The following RNF217 variants were observed in gnomAD, a reference collection of about 807,000 sequenced individuals.
RNF217 encodes the protein E3 ubiquitin-protein ligase RNF217.
In RNF217, 31 loss-of-function variants were observed where a neutral mutation model predicts 57.8. The ratio of observed to expected loss-of-function variants is 0.54; its 90% CI spans 0.40 to 0.72. RNF217 has a LOEUF of 0.72. Among genes scored for constraint, RNF217 ranks in the 30% least tolerant of loss-of-function variants. The pLI is 0.00. For missense variants in RNF217, 696 were observed against 708.3 expected (o/e 0.98, Z 0.20); for synonymous variants, 313 against 294.0 (o/e 1.06, Z -0.66).
chr6:125,038,418 A>T (rs1046565070), intron 1 of RNF217, among the ~76,000 whole-genome samples: 5 of 152,168 alleles, frequency 3.3e-5, no homozygotes, highest in Admixed American at 3.3e-4. Context: ...TTAGCCCCAT[A>T]CTGAAATATT....
At chr6:125,003,910 C>T (rs916132937) in intron 1 of RNF217, among the ~76,000 whole-genome samples, 15 of 151,980 alleles carry the variant, frequency 9.9e-5, no homozygotes, top group African/African-American at 3.4e-4. Context: ...TTAGGGAAGG[C>T]CTATTATGGG....
chr6:125,014,231 C>G (rs935898870), intron 1 of RNF217, among the ~76,000 whole-genome samples: 1 of 152,086 alleles, frequency 6.6e-6, no homozygotes, highest in Non-Finnish European at 1.5e-5. Context: ...ATCAAAATAC[C>G]ACCATAGAGT....
intron 4 of RNF217, among the ~76,000 whole-genome samples, chr6:125,079,262 T>C (rs896455513): frequency 1.3e-5 from 2 of 152,176 alleles, no homozygotes; most frequent in African/African-American, 2.4e-5. Context: ...GGAATGGTAC[T>C]GGGAATAAAA....
intron 4 of RNF217, among the ~76,000 whole-genome samples, chr6:125,077,944 C>A (rs1788439855): frequency 6.6e-6 from 1 of 152,116 alleles, no homozygotes; most frequent in African/African-American, 2.4e-5. Context: ...AGATTTCTAT[C>A]AGGTAAAAGA....
In RNF217 at chr6:124,970,042, A is replaced by G. The variant is rs1034554079; in HGVS notation, c.882+6616A>G. On this transcript the variant is annotated intron_variant, in intron 1 of 5. Transcript: ENST00000521654. The stretch of plus-strand genomic sequence containing the variant: ...AATCGCAAGGAGATCTGTGAGGCTG[A>G]AGCATAGAGAATGAAGTGGGTAGTG... Among the ~76,000 whole-genome samples, 4 of 152,208 alleles carry G rather than the reference A, an allele frequency of 2.6e-5. 1 individual carries two copies. Among genetic ancestry groups the G allele is most frequent in the South Asian group, 4.1e-4 (2 of 4,830 alleles).
intron 1 of RNF217, among the ~76,000 whole-genome samples, chr6:124,993,247 G>A (rs999176721): frequency 4.6e-5 from 7 of 152,116 alleles, no homozygotes; most frequent in African/African-American, 1.4e-4. Flanking sequence ...TAGTAATTCT[G>A]GGATGTGTCC....
intron 3 of RNF217, 97 bp downstream of exon 3, chr6:125,058,203 C>T (rs1787596464): frequency 1.9e-6 from 2 of 1,042,466 alleles, no homozygotes; most frequent in African/African-American, 3.3e-5. Context: ...TGTCTTAATG[C>T]AGGTATGTGG....
intron 1 of RNF217, among the ~76,000 whole-genome samples, chr6:125,019,654 G>A (rs945751369): frequency 3.3e-5 from 5 of 151,894 alleles, no homozygotes; most frequent in Admixed American, 6.6e-5. Flanking sequence ...CAAATTAGAC[G>A]AATAATTTAG....
chr6:124,969,869 G>T (rs192315930), intron 1 of RNF217, among the ~76,000 whole-genome samples: 224 of 152,198 alleles, frequency 1.5e-3, no homozygotes, highest in Non-Finnish European at 2.2e-3. Context: ...TATAGTTTTG[G>T]GGGGGTTGTC....
At chr6:125,009,292 A>G (rs776133537) in intron 1 of RNF217, 9 of 1,565,242 alleles carry the variant, frequency 5.7e-6, no homozygotes, top group South Asian at 2.2e-5. Flanking sequence ...GGTAAAGTAC[A>G]TAGATGAAGA....
intron 1 of RNF217, among the ~76,000 whole-genome samples, chr6:124,973,199 C>T (rs1458784787): frequency 6.6e-6 from 1 of 152,016 alleles, no homozygotes; most frequent in Non-Finnish European, 1.5e-5. Context: ...CAGCTCATAA[C>T]ACTGTGGATA....
chr6:124,992,127 A>T (rs1371136626), intron 1 of RNF217, among the ~76,000 whole-genome samples: 1 of 152,182 alleles, frequency 6.6e-6, no homozygotes, highest in African/African-American at 2.4e-5. Flanking sequence ...ACAAGCTACA[A>T]AGTAATGCCA....
chr6:125,013,580 G>T (rs1785500321), intron 1 of RNF217, among the ~76,000 whole-genome samples: 1 of 151,970 alleles, frequency 6.6e-6, no homozygotes. Flanking sequence ...GAAAGCTTTG[G>T]CTGTTTTCTT....
chr6:124,981,784 C>T (rs927355699), intron 1 of RNF217, among the ~76,000 whole-genome samples: 12 of 150,980 alleles, frequency 7.9e-5, no homozygotes, highest in Middle Eastern at 3.4e-3. Context: ...TTTGGGAGGC[C>T]GAGGCAGGCA....
At chr6:125,064,086 AT>A (rs1787849924) in intron 3 of RNF217, among the ~76,000 whole-genome samples, 1 of 152,184 alleles carries the variant, frequency 6.6e-6, no homozygotes, top group African/African-American at 2.4e-5. Context: ...TTAATGTTGC[AT>A]CTTATAGGTA....
intron 1 of RNF217, among the ~76,000 whole-genome samples, chr6:125,026,172 C>T (rs1006227524): frequency 6.6e-6 from 1 of 152,032 alleles, no homozygotes; most frequent in East Asian, 1.9e-4. Context: ...TCTCAGTGGC[C>T]GCTAGCAACA....
chr6:124,980,972 A>G (rs2115014106), intron 1 of RNF217, among the ~76,000 whole-genome samples: 1 of 152,332 alleles, frequency 6.6e-6, no homozygotes. Context: ...TTTTAGAAGA[A>G]CATAAACTCT....
rs9388405 is a variant in RNF217, at chr6:125,087,347, T to G, written c.*4410T>G. The G allele has an allele frequency of 5.1e-4, 78 of 152,308 alleles. 2 individuals carry two copies. In the East Asian group the frequency reaches 0.014, roughly 27 times the overall value. The allele number at this position is 152,308 out of a possible 1,614,324, so 9.4% of individuals were successfully genotyped here. On this transcript the variant is annotated 3_prime_UTR_variant, in exon 6 of 6. Coordinates refer to ENST00000521654, the MANE Select transcript of RNF217 (RefSeq NM_001286398.3). ...TTTATAAGCAACCTGCACATAAGCC[T>G]TAATGTGAGTCTTCACATTGGATTA... is the stretch of plus-strand genomic sequence containing the variant.
chr6:125,039,825 G>A (rs1375049793), intron 1 of RNF217, among the ~76,000 whole-genome samples: 9 of 152,136 alleles, frequency 5.9e-5, no homozygotes, highest in Admixed American at 3.9e-4. Context: ...CATAGAAATT[G>A]AACAACCTGC....
Sources: allele counts gnomAD v4.1 joint callset (sites outside exome capture counted in the v4.1 genomes callset), GRCh38; gene constraint gnomAD v4.1.1; transcripts MANE v1.5; gene names NCBI Gene and HGNC (gene_info 2026-07-23, HGNC 2026-07-21).